Variants in NIBAN1 observed in about 807,000 individuals in gnomAD.
The protein encoded by NIBAN1 is niban apoptosis regulator 1.
NIBAN1 carries 81 observed loss-of-function variants against 75.1 expected under a neutral mutation model. The observed-to-expected ratio is 1.08, with a 90% CI of 0.90 to 1.30. The LOEUF is 1.30. Ranked by LOEUF, NIBAN1 falls within the 50% of genes most tolerant of loss-of-function variation. NIBAN1 has a pLI of 0.00. For synonymous variants in NIBAN1, 436 were observed against 424.8 expected (o/e 1.03, Z -0.32); for missense variants, 1,133 against 1,128.1 (o/e 1.00, Z -0.06).
At chr1:184,828,634 G>C (rs1373628445) in intron 6 of NIBAN1, among the ~76,000 whole-genome samples, 1 of 152,136 alleles carries the variant, frequency 6.6e-6, no homozygotes, top group African/African-American at 2.4e-5. Flanking sequence ...CTCCAAGCCG[G>C]TTTAAAATGC....
chr1:184,858,398 C>T (rs557704474), intron 5 of NIBAN1, among the ~76,000 whole-genome samples: 12 of 152,174 alleles, frequency 7.9e-5, no homozygotes, highest in East Asian at 1.9e-4. Flanking sequence ...AGAACATCAA[C>T]GGACAATTCA....
intron 1 of NIBAN1, among the ~76,000 whole-genome samples, chr1:184,940,207 G>C (rs1658055040): frequency 6.6e-6 from 1 of 152,122 alleles, no homozygotes; most frequent in South Asian, 2.1e-4. Flanking sequence ...ACCCAGAGAT[G>C]ATGTTGACAA....
chr1:184,956,037 T>TTTG (rs1557929895), intron 1 of NIBAN1, among the ~76,000 whole-genome samples: 2 of 55,596 alleles, frequency 3.6e-5, no homozygotes, highest in African/African-American at 1.5e-4. Flanking sequence ...TTGTTTGTTT[T>TTTG]TTTTTTTTAG....
intron 1 of NIBAN1, among the ~76,000 whole-genome samples, chr1:184,963,033 T>A (rs1658692105): frequency 6.6e-6 from 1 of 152,076 alleles, no homozygotes; most frequent in Non-Finnish European, 1.5e-5. Flanking sequence ...TTTCATTTTG[T>A]ATGACTTTTA....
At chr1:184,950,286 AG>A (rs564398808) in intron 1 of NIBAN1, among the ~76,000 whole-genome samples, 144 of 152,326 alleles carry the variant, frequency 9.5e-4, no homozygotes, top group African/African-American at 3.4e-3. Flanking sequence ...CTTTTTTCCC[AG>A]GCCATCCAGG....
At chr1:184,912,652 AT>A (rs1657272412) in intron 1 of NIBAN1, among the ~76,000 whole-genome samples, 1 of 152,014 alleles carries the variant, frequency 6.6e-6, no homozygotes, top group South Asian at 2.1e-4. Context: ...TCCTCTCCCC[AT>A]TTGTCTTCTT....
intron 5 of NIBAN1, among the ~76,000 whole-genome samples, chr1:184,871,347 CAA>C (rs10658216): frequency 8.7e-5 from 3 of 34,618 alleles, no homozygotes; most frequent in Admixed American, 5.2e-4. Flanking sequence ...AACTCTATCT[CAA>C]AAAAAAAAAA....
At chr1:184,884,287 G>A (rs1192556368) in intron 5 of NIBAN1, among the ~76,000 whole-genome samples, 1 of 142,234 alleles carries the variant, frequency 7.0e-6, no homozygotes, top group Non-Finnish European at 1.5e-5. Context: ...GCAGTGGCGC[G>A]ATCTCGGCTC....
chr1:184,844,121 A>G (rs553308985), intron 5 of NIBAN1, among the ~76,000 whole-genome samples: 42 of 152,358 alleles, frequency 2.8e-4, no homozygotes, highest in African/African-American at 9.9e-4. Flanking sequence ...GGGTCTTGGT[A>G]TAATTTATCA....
intron 1 of NIBAN1, among the ~76,000 whole-genome samples, chr1:184,959,938 C>A (rs935330208): frequency 1.3e-5 from 2 of 152,114 alleles, no homozygotes; most frequent in African/African-American, 4.8e-5. Context: ...TAATTTTCTC[C>A]CGTTCATTTT....
intron 8 of NIBAN1, among the ~76,000 whole-genome samples, chr1:184,819,487 C>A (rs1436123835): frequency 6.6e-6 from 1 of 152,184 alleles, no homozygotes; most frequent in African/African-American, 2.4e-5. Context: ...TTCCACTCCC[C>A]AGAGGAAAGT....
At chr1:184,812,832 A>C (rs1292619862) in intron 9 of NIBAN1, among the ~76,000 whole-genome samples, 1 of 152,194 alleles carries the variant, frequency 6.6e-6, no homozygotes, top group Middle Eastern at 3.2e-3. Context: ...CTTAGGAAGC[A>C]AGTTCTTTCT....
intron 1 of NIBAN1, 117 bp downstream of exon 1, chr1:184,974,185 G>A (rs1659013569): frequency 9.3e-7 from 1 of 1,077,076 alleles, no homozygotes; most frequent in Non-Finnish European, 1.2e-6. Flanking sequence ...TGCGGTCGGG[G>A]ATCCCCGCGC....
Position 184,884,614 on chromosome 1 carries a change from G to A in NIBAN1, c.601+19C>T. On this transcript the variant is annotated intron_variant, in intron 5 of 13. Coordinates refer to ENST00000367511, the MANE Select transcript of NIBAN1 (RefSeq NM_052966.4). ...GCCCCACTTCCCGCCCCGGGGATGAGAGGGGAGCCGCGCCATACCATGATT... is the reference window on the plus strand; with the variant it reads ...GCCCCACTTCCCGCCCCGGGGATGAAAGGGGAGCCGCGCCATACCATGATT... The A allele has an allele frequency of 1.2e-6, 2 of 1,612,916 alleles. No homozygotes were observed. Among genetic ancestry groups the A allele is most frequent in the Non-Finnish European group, 1.7e-6 (2 of 1,179,144 alleles).
intron 1 of NIBAN1, among the ~76,000 whole-genome samples, chr1:184,955,567 G>C (rs1658468050): frequency 6.6e-6 from 1 of 152,084 alleles, no homozygotes; most frequent in Non-Finnish European, 1.5e-5. Flanking sequence ...TCAATCTCCT[G>C]ACCTCGTGAT....
At chr1:184,909,644 G>A (rs961890623) in intron 1 of NIBAN1, among the ~76,000 whole-genome samples, 3 of 152,190 alleles carry the variant, frequency 2.0e-5, no homozygotes, top group African/African-American at 7.2e-5. Context: ...ACTCACTAGT[G>A]AAAATTACTT....
At chr1:184,798,584 C>G (rs1295946616) in intron 12 of NIBAN1, among the ~76,000 whole-genome samples, 2 of 152,138 alleles carry the variant, frequency 1.3e-5, no homozygotes, top group African/African-American at 4.8e-5. Flanking sequence ...CCCTCATCAC[C>G]AAGATGTTTC....
intron 8 of NIBAN1, among the ~76,000 whole-genome samples, chr1:184,822,591 A>C (rs1654732313): frequency 6.6e-6 from 1 of 152,224 alleles, no homozygotes; most frequent in African/African-American, 2.4e-5. Flanking sequence ...TGAGCTAAAC[A>C]GAAGGTGAGT....
intron 1 of NIBAN1, among the ~76,000 whole-genome samples, chr1:184,903,822 G>C (rs1657017243): frequency 1.5e-5 from 2 of 132,218 alleles, no homozygotes; most frequent in African/African-American, 5.8e-5. Flanking sequence ...CTGCAGCCTT[G>C]ACCTCCCAGT....
Sources: allele counts gnomAD v4.1 joint callset (sites outside exome capture counted in the v4.1 genomes callset), GRCh38; gene constraint gnomAD v4.1.1; transcripts MANE v1.5; gene names NCBI Gene and HGNC (gene_info 2026-07-23, HGNC 2026-07-21).